The following PTPRS variants were observed in gnomAD, a reference collection of about 807,000 sequenced individuals.
PTPRS encodes protein tyrosine phosphatase receptor type S.
Under a neutral mutation model 215.3 loss-of-function variants are expected in PTPRS, and 63 were observed. The observed-to-expected ratio is 0.29, with a 90% CI of 0.24 to 0.36. The LOEUF (loss-of-function observed/expected upper bound fraction) is 0.36. Ranked by LOEUF, PTPRS falls within the 10% of genes least tolerant of loss-of-function variation. PTPRS has a pLI of 1.00. For missense variants in PTPRS, 2,258 were observed against 2,825.8 expected (o/e 0.80, Z 4.56); for synonymous variants, 1,404 against 1,191.4 (o/e 1.18, Z -3.68).
rs759801187 is a variant in PTPRS at position 5,231,443 on chromosome 19, G to C, written c.2022C>G (p.Ile674Met). Residue 674 changes from isoleucine to methionine, a missense_variant, in exon 14 of 38, where the codon ATC becomes ATG. Ile to Met is a conservative substitution (Grantham distance 10, BLOSUM62 1). Coordinates refer to ENST00000262963, the MANE Select transcript of PTPRS (RefSeq NM_002850.4). ...EDPEPKEVNG[I>M]PPTTTQILLE... is the part of the protein sequence containing the mutation. The stretch of plus-strand genomic sequence containing the variant: ...GCAGGATCTGAGTGGTGGTCGGGGG[G>C]ATGCCGTTCACCTCCTTGGGTTCCG... 6 of 1,612,966 alleles carry C rather than the reference G, an allele frequency of 3.7e-6. No homozygotes were observed. Among genetic ancestry groups the C allele is most frequent in the Non-Finnish European group, 5.1e-6 (6 of 1,179,858 alleles).
At chr19:5,252,877 A>C (rs2045253484) in intron 9 of PTPRS, among the ~76,000 whole-genome samples, 1 of 149,430 alleles carries the variant, frequency 6.7e-6, no homozygotes, top group South Asian at 2.1e-4. Context: ...CCATCTCAAA[A>C]AAAAAAAAAA....
intron 9 of PTPRS, among the ~76,000 whole-genome samples, chr19:5,247,194 T>TTAATAA (rs112152247): frequency 0.017 from 2,511 of 147,718 alleles, 48 homozygotes; most frequent in African/African-American, 0.05. Context: ...AAATAGTATA[T>TTAATAA]TAATAATAAT....
At chr19:5,317,074 G>A (rs1329638231) in intron 1 of PTPRS, among the ~76,000 whole-genome samples, 1 of 152,220 alleles carries the variant, frequency 6.6e-6, no homozygotes, top group African/African-American at 2.4e-5. Flanking sequence ...CACACTTTGA[G>A]GGCTGGAGTG....
At chr19:5,286,792 C>T (rs1004970293) in intron 1 of PTPRS, among the ~76,000 whole-genome samples, 1 of 152,076 alleles carries the variant, frequency 6.6e-6, no homozygotes, top group Non-Finnish European at 1.5e-5. Context: ...AAACCCCAAC[C>T]CCAGCATGAG....
intron 2 of PTPRS, chr19:5,278,205 T>C: frequency 3.3e-6 from 1 of 303,838 alleles, no homozygotes; most frequent in Non-Finnish European, 6.1e-6. Flanking sequence ...AAAAAGGGAG[T>C]GGGGGGTGGG....
At chr19:5,292,332 G>A (rs2048890890) in intron 1 of PTPRS, among the ~76,000 whole-genome samples, 1 of 152,120 alleles carries the variant, frequency 6.6e-6, no homozygotes, top group Non-Finnish European at 1.5e-5. Context: ...GGACAGCCTC[G>A]CATCCACCCT....
Position 5,221,144 on chromosome 19 carries a change from C to G in PTPRS, c.3311G>C (p.Ser1104Thr). The G allele has an allele frequency of 6.2e-7, 1 of 1,614,012 alleles. No individual in the cohort carries two copies. The highest frequency in any genetic ancestry group is 8.5e-7 in the Non-Finnish European group (1 of 1,180,004). ...FYNFVLTNRG[S>T]SLGGLQQTVT... ...CGTCTGCTGGAGGCCGCCCAGGCTG[C>G]TGCCGCGATTGGTCAGCACAAAGTT... is the stretch of plus-strand genomic sequence containing the variant. The change falls in exon 20 of 38, where the codon AGC (serine) becomes ACC (threonine). Residue 1104 changes from serine to threonine, a missense_variant. Ser to Thr is a moderately conservative substitution (Grantham distance 58). Around this residue, in one of 6 missense-constraint regions of PTPRS, gnomAD observed 927 missense variants for 1,125.9 expected, o/e 0.82. Transcript: ENST00000262963.
chr19:5,227,529 C>T (rs1022219246), intron 16 of PTPRS, among the ~76,000 whole-genome samples: 1 of 151,998 alleles, frequency 6.6e-6, no homozygotes, highest in Non-Finnish European at 1.5e-5. Context: ...ATTCTCCTGC[C>T]TCAGCCTCCC....
rs2042026739 is a variant in PTPRS at position 5,222,103 on chromosome 19, T to G, written c.3201+20A>C. 6.3e-7 allele frequency: 1 copy of G among 1,595,778 alleles called. No individual in the cohort carries two copies. Among genetic ancestry groups the G allele is most frequent in the Non-Finnish European group, 8.6e-7 (1 of 1,166,142 alleles). On this transcript the variant is annotated intron_variant, in intron 19 of 37. Transcript: ENST00000262963. ...CCCTGACCCTGCCTGCCTGCCTGCC[T>G]GCTGGCTGGGCAGTCGCACCTTGTA...
At chr19:5,249,928 C>T (rs1042247602) in intron 9 of PTPRS, among the ~76,000 whole-genome samples, 2 of 152,190 alleles carry the variant, frequency 1.3e-5, no homozygotes, top group African/African-American at 4.8e-5. Flanking sequence ...AAATATCTCT[C>T]CATAGGGATG....
chr19:5,329,249 G>A (rs2147266894), intron 1 of PTPRS, among the ~76,000 whole-genome samples: 1 of 152,160 alleles, frequency 6.6e-6, no homozygotes, highest in South Asian at 2.1e-4. Context: ...GAGGAGAGAT[G>A]AGGCCAGCGG....
intron 16 of PTPRS, among the ~76,000 whole-genome samples, chr19:5,226,087 C>T (rs925161706): frequency 5.3e-5 from 8 of 152,204 alleles, no homozygotes; most frequent in Non-Finnish European, 8.8e-5. Flanking sequence ...CTCTGCTCCG[C>T]TCCCCTCACT....
chr19:5,205,615 C>T lies in PTPRS; in HGVS notation c.*1159G>A, dbSNP rs12840. 0.064 allele frequency among the ~76,000 whole-genome samples: 9,706 copies of T among 152,298 alleles called. 409 individuals are homozygous for T. The highest frequency in any genetic ancestry group is 0.12 in the Admixed American group (1,902 of 15,300). ...AAACAGTGTTGAAAGTAACCGCAGA[C>T]CTGCCCTTGTACAAAGAGGAACAAC... is the stretch of plus-strand genomic sequence containing the variant. On this transcript the variant is annotated 3_prime_UTR_variant, in exon 38 of 38. Coordinates refer to ENST00000262963, the MANE Select transcript of PTPRS (RefSeq NM_002850.4).
chr19:5,212,648 A>G (rs1178854806), intron 30 of PTPRS, among the ~76,000 whole-genome samples, 157 bp from the exon 31 acceptor site: 1 of 152,158 alleles, frequency 6.6e-6, no homozygotes, highest in South Asian at 2.1e-4. Flanking sequence ...GTTCGAGACC[A>G]GCCTGACCAA....
intron 4 of PTPRS, among the ~76,000 whole-genome samples, chr19:5,267,554 G>A (rs1476135416): frequency 2.0e-5 from 3 of 152,022 alleles, no homozygotes; most frequent in Admixed American, 2.0e-4. Context: ...TTCCTTGGGA[G>A]GCTGAGGCAG....
chr19:5,218,804 C>A lies in PTPRS; in HGVS notation c.3924-6G>T. 1 of 1,602,154 alleles carries A rather than the reference C, an allele frequency of 6.2e-7. No individual in the cohort carries two copies. The highest frequency in any genetic ancestry group is 8.5e-7 in the Non-Finnish European group (1 of 1,175,900). ...GTTCTTACCTGTCGGGTTTGCTGTT[C>A]CCGAAAGCAGACACAGGTGAGAAGG... On this transcript the variant is annotated splice_polypyrimidine_tract_variant and splice_region_variant and intron_variant, in intron 23 of 37. Transcript: ENST00000262963.
rs1308028727 is a variant in PTPRS, at chr19:5,257,450, G to C, written c.706+567C>G. 2.2e-6 allele frequency: 1 copy of C among 458,586 alleles called. No individual in the cohort carries two copies. The highest frequency in any genetic ancestry group is 2.0e-5 in the African/African-American group (1 of 50,216). 28.4% of individuals were successfully genotyped at this position (458,586 alleles called of 1,614,324 possible). ...CCTTCTCGGAGAGTCATTAGGAAGA[G>C]GCAGAAGGCGCCGGGCTCCGGACCA... On this transcript the variant is annotated intron_variant, in intron 8 of 37. Coordinates refer to ENST00000262963, the MANE Select transcript of PTPRS (RefSeq NM_002850.4). This position sits in a 1 kb window ranked among gnomAD's most constrained non-coding sequence, Gnocchi z 4.4.
Position 5,336,017 on chromosome 19 carries a change from G to GAGGA in PTPRS, c.-95+4646_-95+4647insTCCT, listed in dbSNP as rs202093667. Among the ~76,000 whole-genome samples the GAGGA allele has an allele frequency of 5.0e-5, 7 of 139,838 alleles. 1 individual carries two copies. The highest frequency in any genetic ancestry group is 2.1e-4 in the East Asian group (1 of 4,834). The allele number at this position is 139,838 out of a possible 152,430, so 91.7% of individuals were successfully genotyped here. A position where few individuals can be genotyped will look rare whatever the true frequency, so the allele number is the denominator to read the frequency against. On this transcript the variant is annotated intron_variant, in intron 1 of 37. Transcript: ENST00000262963. ...CAGCTCCATGGAGGAGGAGGAGGAG[G>GAGGA]AAAAAAAAAAAAGAGAGAGACAAAA...
At chr19:5,219,863 G>A (rs2041821066) in intron 22 of PTPRS, 76 bp downstream of exon 22, 4 of 1,507,454 alleles carry the variant, frequency 2.7e-6, no homozygotes, top group African/African-American at 1.4e-5. Context: ...GACCACAGAG[G>A]TCAGGGCCCT....
Sources: gnomAD v4.1 joint callset for allele counts (sites outside exome capture counted in the v4.1 genomes callset) on GRCh38, gnomAD v4.1.1 for gene constraint, gnomAD v4.1.1 regional missense constraint, Gnocchi (gnomAD v3.1) non-coding constraint, MANE v1.5 for transcripts, NCBI Gene and HGNC (gene_info 2026-07-23, HGNC 2026-07-21) for gene names.